Variants in GSG1L observed in about 807,000 individuals in gnomAD.
GSG1L encodes GSG1 like.
GSG1L carries 24 observed loss-of-function variants against 42.1 expected under a neutral mutation model. The observed-to-expected ratio is 0.57, with a 90% CI of 0.41 to 0.80. The LOEUF (loss-of-function observed/expected upper bound fraction) is 0.80. Among genes scored for constraint, GSG1L ranks in the 30% least tolerant of loss-of-function variants. The pLI is 0.00. For missense variants in GSG1L, 445 were observed against 472.2 expected, an observed-to-expected ratio of 0.94 and a Z score of 0.53; for synonymous variants, 215 against 203.5, an observed-to-expected ratio of 1.06 and a Z score of -0.48.
intron 5 of GSG1L, among the ~76,000 whole-genome samples, chr16:27,822,619 A>G (rs1240019123): frequency 1.3e-5 from 2 of 152,032 alleles, no homozygotes; most frequent in African/African-American, 4.8e-5. Context: ...GGGTCTTGCT[A>G]TGTTGCCCAG....
intron 1 of GSG1L, among the ~76,000 whole-genome samples, chr16:27,976,672 C>T (rs550806443): frequency 6.6e-6 from 1 of 152,372 alleles, no homozygotes; most frequent in Admixed American, 6.5e-5. Context: ...AGGCAGCAGA[C>T]TTAAGATCGG....
At chr16:27,970,311 C>T (rs1361149369) in intron 1 of GSG1L, among the ~76,000 whole-genome samples, 1 of 152,030 alleles carries the variant, frequency 6.6e-6, no homozygotes, top group South Asian at 2.1e-4. Context: ...GTGGCTCACG[C>T]CTGTAATCCC....
chr16:27,820,242 A>C (rs2083137212), intron 5 of GSG1L, among the ~76,000 whole-genome samples: 1 of 152,180 alleles, frequency 6.6e-6, no homozygotes, highest in Non-Finnish European at 1.5e-5. Context: ...GGTTCTTCTA[A>C]TATGGGGGCC....
rs1422357883 is a variant in GSG1L, at chr16:27,807,568, A to AAAAC, written c.831-18_831-15dup. 3 of 1,605,832 alleles carry AAAAC rather than the reference A, an allele frequency of 1.9e-6. No homozygotes were observed. In the African/African-American group the frequency reaches 4.0e-5, roughly 21 times the overall value. ...CTCTTCTCCATCCTGGAAAGAAAAA[A>AAAAC]AAACAAAAACAAAATCCTAGGTAGG... is the stretch of plus-strand genomic sequence containing the variant. On this transcript the variant is annotated splice_polypyrimidine_tract_variant and intron_variant, in intron 5 of 6. Coordinates refer to ENST00000447459, the MANE Select transcript of GSG1L (RefSeq NM_001109763.2).
At position 27,789,691 on chromosome 16, in the gene GSG1L, G is replaced by GATGA. The variant is rs2082730571; in HGVS notation, c.*1678_*1679insTCAT. The GATGA allele has an allele frequency of 5.9e-4, 1 of 1,692 alleles. No homozygotes were observed. Among genetic ancestry groups the GATGA allele is most frequent in the Non-Finnish European group, 2.6e-3 (1 of 384 alleles). 0.1% of individuals were successfully genotyped at this position (1,692 alleles called of 1,614,324 possible). A position where few individuals can be genotyped will look rare whatever the true frequency, so the allele number is the denominator to read the frequency against. On this transcript the variant is annotated 3_prime_UTR_variant, in exon 7 of 7. Transcript: ENST00000447459. ...AAGCATAGACAATGAATGGATAGATGATGGATGGATGGATGGATGGATGGA... is the reference window on the plus strand; with the variant it reads ...AAGCATAGACAATGAATGGATAGATGATGAATGGATGGATGGATGGATGGATGGA...
intron 3 of GSG1L, among the ~76,000 whole-genome samples, chr16:27,848,547 G>C (rs568684367): frequency 6.6e-6 from 1 of 152,192 alleles, no homozygotes; most frequent in African/African-American, 2.4e-5. Context: ...CCAGGGGGTT[G>C]GGGAGTGGTA....
At chr16:28,061,713 A>G (rs1367076197) in intron 1 of GSG1L, among the ~76,000 whole-genome samples, 3 of 152,220 alleles carry the variant, frequency 2.0e-5, no homozygotes, top group Non-Finnish European at 4.4e-5. Context: ...GGGAGTGCCA[A>G]GTGTGGCAGG....
chr16:27,863,576 T>A (rs930532161), intron 3 of GSG1L, among the ~76,000 whole-genome samples: 2 of 152,208 alleles, frequency 1.3e-5, no homozygotes, highest in Non-Finnish European at 2.9e-5. Flanking sequence ...TATTGTAATT[T>A]GAATTTATTT....
Position 27,789,353 on chromosome 16 carries a change from A to C in GSG1L, c.*2017T>G, listed in dbSNP as rs1481976423. ...TGGATGTGTGGATGACGGATAATGG[A>C]TGGATGGATGGTTGATGGATAATGG... On this transcript the variant is annotated 3_prime_UTR_variant, in exon 7 of 7. Coordinates refer to ENST00000447459, the MANE Select transcript of GSG1L (RefSeq NM_001109763.2). The C allele has an allele frequency of 6.6e-6, 1 of 151,930 alleles. No individual in the cohort carries two copies. Among genetic ancestry groups the C allele is most frequent in the South Asian group, 2.1e-4 (1 of 4,808 alleles). The allele number at this position is 151,930 out of a possible 1,614,324, so 9.4% of individuals were successfully genotyped here. A position where few individuals can be genotyped will look rare whatever the true frequency, so the allele number is the denominator to read the frequency against.
chr16:27,793,032 C>G (rs1316480081), intron 6 of GSG1L, among the ~76,000 whole-genome samples: 1 of 152,250 alleles, frequency 6.6e-6, no homozygotes, highest in South Asian at 2.1e-4. Flanking sequence ...TTTTCCTACT[C>G]TGATTCTCAG....
At chr16:27,899,810 T>A (rs531516496) in intron 2 of GSG1L, among the ~76,000 whole-genome samples, 3 of 152,316 alleles carry the variant, frequency 2.0e-5, no homozygotes, top group African/African-American at 7.2e-5. Flanking sequence ...GTCCCCATTT[T>A]AACAGAGGAG....
At chr16:28,015,197 C>T (rs1318567897) in intron 1 of GSG1L, among the ~76,000 whole-genome samples, 2 of 152,190 alleles carry the variant, frequency 1.3e-5, no homozygotes, top group East Asian at 1.9e-4. Flanking sequence ...AGGGTCTGGG[C>T]AACACCATAT....
intron 1 of GSG1L, among the ~76,000 whole-genome samples, chr16:28,004,061 G>A (rs2085609386): frequency 6.6e-6 from 1 of 152,196 alleles, no homozygotes; most frequent in Non-Finnish European, 1.5e-5. Flanking sequence ...CTGGGCTGAC[G>A]GCCACTCAGC....
chr16:27,887,835 A>G (rs563646020), intron 2 of GSG1L, among the ~76,000 whole-genome samples: 1 of 150,338 alleles, frequency 6.7e-6, no homozygotes, highest in Non-Finnish European at 1.5e-5. Context: ...AAAATATCAC[A>G]TCTCCTGGGC....
chr16:27,850,351 C>A (rs908538485), intron 3 of GSG1L: 3 of 362,174 alleles, frequency 8.3e-6, no homozygotes, highest in Non-Finnish European at 1.6e-5. Flanking sequence ...TATATCTAAG[C>A]TGGGATAGCA....
chr16:27,948,563 G>A (rs1260018579), intron 2 of GSG1L, among the ~76,000 whole-genome samples: 10 of 148,076 alleles, frequency 6.8e-5, no homozygotes, highest in East Asian at 2.0e-4. Context: ...TAGTAGAGAC[G>A]TGATTCCACC....
intron 4 of GSG1L, among the ~76,000 whole-genome samples, chr16:27,834,160 A>G (rs2083299449): frequency 6.6e-6 from 1 of 152,114 alleles, no homozygotes; most frequent in Admixed American, 6.6e-5. Context: ...TCAATGTTGA[A>G]TTGTGTCAAA....
chr16:27,914,234 A>G (rs1248225471), intron 2 of GSG1L, among the ~76,000 whole-genome samples: 2 of 152,216 alleles, frequency 1.3e-5, no homozygotes, highest in Non-Finnish European at 2.9e-5. Flanking sequence ...AGGAATCTCT[A>G]ATGATACAAG....
Position 27,860,814 on chromosome 16 carries a change from TCA to T in GSG1L, c.551-15755_551-15754del, listed in dbSNP as rs144114831. Reference sequence around the variant, plus strand: ...CCAGCCTAGGCAGGGACCAAGGACATCACAGTCATGGAGGACCCTCAGAAAGG... The same window carrying T: ...CCAGCCTAGGCAGGGACCAAGGACATCAGTCATGGAGGACCCTCAGAAAGG... On this transcript the variant is annotated intron_variant, in intron 3 of 6. Coordinates refer to ENST00000447459, the MANE Select transcript of GSG1L (RefSeq NM_001109763.2). Among the ~76,000 whole-genome samples, 1,123 of 152,284 alleles carry T rather than the reference TCA, an allele frequency of 7.4e-3. 20 individuals carry two copies. Among genetic ancestry groups the T allele is most frequent in the African/African-American group, 0.026 (1,067 of 41,550 alleles).
Sources: allele counts gnomAD v4.1 joint callset (sites outside exome capture counted in the v4.1 genomes callset), GRCh38; gene constraint gnomAD v4.1.1; transcripts MANE v1.5; gene names NCBI Gene and HGNC (gene_info 2026-07-23, HGNC 2026-07-21).